Variants in MAGI2 observed in about 807,000 individuals in gnomAD.
MAGI2 encodes the protein membrane associated guanylate kinase, WW and PDZ domain containing 2, also known as membrane-associated guanylate kinase, WW and PDZ domain-containing protein 2.
Under a neutral mutation model 133.3 loss-of-function variants are expected in MAGI2, and 35 were observed. The observed-to-expected ratio is 0.26, with a 90% CI of 0.20 to 0.35. The LOEUF (loss-of-function observed/expected upper bound fraction) is 0.35. Among genes scored for constraint, MAGI2 ranks in the 10% least tolerant of loss-of-function variants. The pLI, the probability that MAGI2 is intolerant of heterozygous loss-of-function variation, is 1.00. For missense variants in MAGI2, 1,636 were observed against 1,863.4 expected (o/e 0.88, Z 2.25); for synonymous variants, 729 against 710.6 (o/e 1.03, Z -0.41).
Position 79,417,485 on chromosome 7 carries a change from C to T in MAGI2, c.301+35535G>A, listed in dbSNP as rs1846616384. Among the ~76,000 whole-genome samples, 4 of 152,086 alleles carry T rather than the reference C, an allele frequency of 2.6e-5. No homozygotes were observed. The South Asian group carries it at 8.3e-4, about 32-fold the overall frequency. On this transcript the variant is annotated intron_variant, in intron 1 of 21. Coordinates refer to ENST00000354212, the MANE Select transcript of MAGI2 (RefSeq NM_012301.4). The stretch of plus-strand genomic sequence containing the variant: ...TATCAGTCAGAGGAAGCTGTGAAGA[C>T]CAAAGTTCCTTGGGAAACTGCCTTC...
chr7:78,083,900 T>A (rs1400567154), intron 20 of MAGI2, among the ~76,000 whole-genome samples: 2 of 152,254 alleles, frequency 1.3e-5, no homozygotes, highest in Non-Finnish European at 2.9e-5. Flanking sequence ...TTAAACTCTG[T>A]ACTGTATGCA....
intron 3 of MAGI2, among the ~76,000 whole-genome samples, chr7:78,565,084 G>T (rs543590213): frequency 6.6e-6 from 1 of 151,760 alleles, no homozygotes; most frequent in Non-Finnish European, 1.5e-5. Context: ...TGAGCACCGC[G>T]CCCGGCCTCC....
intron 2 of MAGI2, among the ~76,000 whole-genome samples, chr7:78,692,972 T>A (rs1272305366): frequency 6.6e-6 from 1 of 152,116 alleles, no homozygotes; most frequent in African/African-American, 2.4e-5. Context: ...CTGGATCATA[T>A]CCAATACTCA....
chr7:79,128,255 T>G (rs1295853165), intron 1 of MAGI2, among the ~76,000 whole-genome samples: 2 of 152,160 alleles, frequency 1.3e-5, no homozygotes, highest in African/African-American at 4.8e-5. Context: ...AGTGTTGGTT[T>G]AGTTTTTACT....
At chr7:78,791,710 T>A (rs539527073) in intron 2 of MAGI2, among the ~76,000 whole-genome samples, 1 of 151,998 alleles carries the variant, frequency 6.6e-6, no homozygotes, top group South Asian at 2.1e-4. Flanking sequence ...CCACCACGCC[T>A]GGCTAATTTT....
chr7:78,743,520 T>G (rs1451136626), intron 2 of MAGI2, among the ~76,000 whole-genome samples: 4 of 152,222 alleles, frequency 2.6e-5, no homozygotes, highest in Admixed American at 6.5e-5. Context: ...CTTCTAGTAC[T>G]CCAATTATGA....
At chr7:79,100,960 A>G (rs1220011693) in intron 1 of MAGI2, among the ~76,000 whole-genome samples, 3 of 152,166 alleles carry the variant, frequency 2.0e-5, no homozygotes, top group South Asian at 2.1e-4. Flanking sequence ...TAAAAATGCC[A>G]TTTTATCATA....
chr7:78,871,514 G>C (rs1314103862), intron 2 of MAGI2, among the ~76,000 whole-genome samples: 1 of 152,068 alleles, frequency 6.6e-6, no homozygotes, highest in African/African-American at 2.4e-5. Flanking sequence ...CATAGTGATA[G>C]TAATTTAAAT....
Position 79,191,402 on chromosome 7 carries a change from CTTTTTTTTTTTTTTTTTTT to C in MAGI2, c.302-184215_302-184197del, listed in dbSNP as rs71095386. ...TCTTTTTTTCTTTTTCTTTTTCTTT[CTTTTTTTTTTTTTTTTTTT>C]TTTTTTTTTTTTTTAGAGATAGGGT... is the stretch of plus-strand genomic sequence containing the variant. On this transcript the variant is annotated intron_variant, in intron 1 of 21. Transcript: ENST00000354212. 3.6e-4 allele frequency among the ~76,000 whole-genome samples: 8 copies of C among 22,336 alleles called. No homozygotes were observed. The East Asian group carries it at 6.1e-3, about 17-fold the overall frequency. The allele number at this position is 22,336 out of a possible 152,430, so 14.7% of individuals were successfully genotyped here. A position where few individuals can be genotyped will look rare whatever the true frequency, so the allele number is the denominator to read the frequency against.
intron 2 of MAGI2, among the ~76,000 whole-genome samples, chr7:78,767,372 TTC>T (rs1299540708): frequency 2.0e-5 from 3 of 151,964 alleles, no homozygotes; most frequent in South Asian, 4.1e-4. Flanking sequence ...ACAATTAAAA[TTC>T]TGTTATCTTC....
chr7:79,396,843 C>T (rs1285465721), intron 1 of MAGI2, among the ~76,000 whole-genome samples: 2 of 152,044 alleles, frequency 1.3e-5, no homozygotes, highest in Non-Finnish European at 2.9e-5. Flanking sequence ...CTTCTTAAAA[C>T]TGACAGCATT....
intron 1 of MAGI2, among the ~76,000 whole-genome samples, chr7:79,009,769 T>C (rs1807856750): frequency 6.6e-6 from 1 of 152,086 alleles, no homozygotes; most frequent in Non-Finnish European, 1.5e-5. Flanking sequence ...ACATAATATC[T>C]GAGATGTAGC....
At position 78,540,142 on chromosome 7, in the gene MAGI2, C is replaced by G. The variant is rs556299605; in HGVS notation, c.539-18497G>C. On this transcript the variant is annotated intron_variant, in intron 3 of 21. Coordinates refer to ENST00000354212, the MANE Select transcript of MAGI2 (RefSeq NM_012301.4). ...AGGCAATGGGCAGGGCCATACAGCA[C>G]CCAAAAGTTTATGTCTTTCGTCTTT... 7.2e-4 allele frequency among the ~76,000 whole-genome samples: 110 copies of G among 152,232 alleles called. 1 individual carries two copies. Among genetic ancestry groups the G allele is most frequent in the Admixed American group, 3.4e-3 (52 of 15,288 alleles).
intron 21 of MAGI2, among the ~76,000 whole-genome samples, chr7:78,040,832 T>C (rs1319466439): frequency 6.6e-6 from 1 of 152,128 alleles, no homozygotes; most frequent in East Asian, 1.9e-4. Context: ...ATGACAACCA[T>C]TAAGGGGCTA....
intron 2 of MAGI2, among the ~76,000 whole-genome samples, chr7:78,876,296 C>T (rs480863): frequency 0.54 from 75,434 of 139,138 alleles, 21,934 homozygotes; most frequent in Middle Eastern, 0.69. Context: ...CACTCCAGCC[C>T]GGGTGACAGA....
In MAGI2 at chr7:78,626,301, T is replaced by C. The variant is rs367863515; in HGVS notation, c.538+819A>G. Among the ~76,000 whole-genome samples the C allele has an allele frequency of 1.6e-4, 24 of 152,294 alleles. No individual in the cohort carries two copies. The East Asian group carries it at 4.4e-3, about 28-fold the overall frequency. ...TACACAGATACATATTTTCATTAGA[T>C]ATAAACTAGATGCATATAAATGTTA... On this transcript the variant is annotated intron_variant, in intron 3 of 21. Transcript: ENST00000354212.
At chr7:79,379,782 T>G (rs1843653128) in intron 1 of MAGI2, among the ~76,000 whole-genome samples, 1 of 151,862 alleles carries the variant, frequency 6.6e-6, no homozygotes, top group Non-Finnish European at 1.5e-5. Flanking sequence ...TCTGTTTATC[T>G]TTTATAACTA....
chr7:78,629,988 A>G (rs1043846649), intron 2 of MAGI2, among the ~76,000 whole-genome samples: 5 of 151,850 alleles, frequency 3.3e-5, no homozygotes, highest in Non-Finnish European at 7.4e-5. Context: ...AATTAAATAA[A>G]TATTTTATTT....
intron 2 of MAGI2, among the ~76,000 whole-genome samples, chr7:78,715,139 A>G (rs1585172398): frequency 6.6e-6 from 1 of 152,312 alleles, no homozygotes; most frequent in East Asian, 1.9e-4. Context: ...AGGAATCAGG[A>G]CTAAGGCAAA....
Sources: gnomAD v4.1 joint callset for allele counts (sites outside exome capture counted in the v4.1 genomes callset) on GRCh38, gnomAD v4.1.1 for gene constraint, MANE v1.5 for transcripts, NCBI Gene and HGNC (gene_info 2026-07-23, HGNC 2026-07-21) for gene names.